Variants in RIPOR3 observed in about 807,000 individuals in gnomAD.
RIPOR3 encodes RIPOR family member 3, also known as family with sequence similarity 65 member C.
In RIPOR3, 95 loss-of-function variants were observed where a neutral mutation model predicts 114.3. The ratio of observed to expected loss-of-function variants is 0.83; its 90% CI spans 0.70 to 0.99. The LOEUF (loss-of-function observed/expected upper bound fraction) is 0.99, where lower values mean the gene tolerates loss of function less well. Ranked by LOEUF, RIPOR3 falls within the 50% of genes least tolerant of loss-of-function variation. The pLI, the probability that RIPOR3 is intolerant of heterozygous loss-of-function variation, is 0.00. For synonymous variants in RIPOR3, 575 were observed against 543.8 expected (o/e 1.06, Z -0.80); for missense variants, 1,252 against 1,266.9 (o/e 0.99, Z 0.18).
chr20:50,597,628 T>C lies in RIPOR3; in HGVS notation c.1742A>G (p.Asp581Gly). 2 of 1,612,004 alleles carry C rather than the reference T, an allele frequency of 1.2e-6. No individual in the cohort carries two copies. The highest frequency in any genetic ancestry group is 2.7e-5 in the African/African-American group (2 of 74,972). Residue 581 changes from aspartate (D) to glycine (G), a missense_variant, in exon 14 of 22, where the codon GAC (aspartate) becomes GGC (glycine). Coordinates refer to ENST00000327979, the MANE Select transcript of RIPOR3 (RefSeq NM_001290268.2). The part of the protein sequence containing the change: ...ILESFAFLNA[D>G]FALDELSLFG... Reference sequence around the variant, plus strand: ...CAGGGACAGCTCATCCAGGGCGAAGTCGGCATTGAGGAAGGCGAAGCTCTC... The same window carrying C: ...CAGGGACAGCTCATCCAGGGCGAAGCCGGCATTGAGGAAGGCGAAGCTCTC...
intron 6 of RIPOR3, among the ~76,000 whole-genome samples, chr20:50,609,930 C>T (rs2123065803): frequency 6.6e-6 from 1 of 151,974 alleles, no homozygotes; most frequent in Middle Eastern, 3.4e-3. Context: ...GCAGGGACCA[C>T]ATCTGCCTCA....
At chr20:50,597,452 T>C (rs938436561) in intron 14 of RIPOR3, 128 bp downstream of exon 14, 80 of 1,350,974 alleles carry the variant, frequency 5.9e-5, no homozygotes, top group Middle Eastern at 2.5e-4. Context: ...GGGTGCACGA[T>C]AGAGTGACAA....
intron 16 of RIPOR3, 146 bp downstream of exon 16, chr20:50,595,223 T>C: frequency 9.6e-7 from 1 of 1,038,110 alleles, no homozygotes; most frequent in Non-Finnish European, 1.4e-6. Context: ...AAAGAGTGTG[T>C]ATCTCTGAGC....
chr20:50,611,885 A>G (rs2083991387), intron 4 of RIPOR3, among the ~76,000 whole-genome samples: 1 of 152,168 alleles, frequency 6.6e-6, no homozygotes, highest in Non-Finnish European at 1.5e-5. Flanking sequence ...GCACTTTGGG[A>G]GGCTGAGGTG....
chr20:50,653,684 G>C (rs1040931804), intron 1 of RIPOR3, among the ~76,000 whole-genome samples: 1 of 151,442 alleles, frequency 6.6e-6, no homozygotes, highest in African/African-American at 2.4e-5. Context: ...TCTGCCTCCC[G>C]GGTTTGAGCA....
At chr20:50,604,271 T>C (rs2083614900) in intron 12 of RIPOR3, among the ~76,000 whole-genome samples, 1 of 152,030 alleles carries the variant, frequency 6.6e-6, no homozygotes, top group Non-Finnish European at 1.5e-5. Flanking sequence ...AAGAAACTGA[T>C]GACAGGAGTT....
intron 4 of RIPOR3, 83 bp downstream of exon 4, chr20:50,615,919 C>T (rs2084155701): frequency 1.5e-6 from 2 of 1,320,650 alleles, no homozygotes; most frequent in African/African-American, 1.5e-5. Context: ...CACACCGTGA[C>T]ATAGGCTAGA....
intron 1 of RIPOR3, among the ~76,000 whole-genome samples, chr20:50,638,359 C>T (rs544699568): frequency 1.3e-5 from 2 of 152,224 alleles, no homozygotes; most frequent in Non-Finnish European, 2.9e-5. Context: ...GAGTGAGGAC[C>T]GGGATCCAGG....
At chr20:50,615,333 AG>A (rs2084132505) in intron 4 of RIPOR3, among the ~76,000 whole-genome samples, 1 of 151,620 alleles carries the variant, frequency 6.6e-6, no homozygotes, top group Non-Finnish European at 1.5e-5. Flanking sequence ...AGACCAGCCT[AG>A]GCAACATGAT....
At chr20:50,666,251 CCCAGAGTCACGCTCTG>C (rs2086240378) in intron 1 of RIPOR3, among the ~76,000 whole-genome samples, 1 of 45,284 alleles carries the variant, frequency 2.2e-5, no homozygotes, top group African/African-American at 5.4e-5. Flanking sequence ...CGCTCTGTTG[CCCAGAGTCACGCTCTG>C]TTGCTGGAGT....
chr20:50,670,621 G>C (rs1474117599), intron 1 of RIPOR3, among the ~76,000 whole-genome samples: 1 of 152,186 alleles, frequency 6.6e-6, no homozygotes, highest in Non-Finnish European at 1.5e-5. Context: ...GTCACCAGCG[G>C]TGCATTCCCC....
At chr20:50,588,452 T>C (rs2082994540) in intron 20 of RIPOR3, among the ~76,000 whole-genome samples, 1 of 152,224 alleles carries the variant, frequency 6.6e-6, no homozygotes, top group African/African-American at 2.4e-5. Flanking sequence ...CTAGCAATTG[T>C]GCAATTCCAA....
chr20:50,676,058 G>A (rs1487812985), intron 1 of RIPOR3, among the ~76,000 whole-genome samples: 2 of 152,188 alleles, frequency 1.3e-5, no homozygotes, highest in Non-Finnish European at 2.9e-5. Context: ...ACACAACAGC[G>A]AAGATTCCAT....
At chr20:50,597,419 A>T in intron 14 of RIPOR3, 161 bp downstream of exon 14, 1 of 1,040,794 alleles carries the variant, frequency 9.6e-7, no homozygotes, top group Non-Finnish European at 1.4e-6. Context: ...CAAGTGGGGG[A>T]TGTGCGGGGA....
intron 2 of RIPOR3, among the ~76,000 whole-genome samples, chr20:50,621,365 C>T (rs1600599213): frequency 6.6e-6 from 1 of 152,288 alleles, no homozygotes; most frequent in African/African-American, 2.4e-5. Context: ...CTCTGGGGCA[C>T]CTCCCCAGCT....
intron 1 of RIPOR3, among the ~76,000 whole-genome samples, chr20:50,674,045 G>T (rs2086611320): frequency 6.6e-6 from 1 of 152,146 alleles, no homozygotes; most frequent in Non-Finnish European, 1.5e-5. Context: ...GCGTTCCAAG[G>T]CAGGAGCAGA....
At chr20:50,649,594 C>T (rs1349960010) in intron 1 of RIPOR3, among the ~76,000 whole-genome samples, 1 of 152,176 alleles carries the variant, frequency 6.6e-6, no homozygotes, top group African/African-American at 2.4e-5. Flanking sequence ...GTCCCCCACC[C>T]CCACCCACAG....
chr20:50,688,081 TGAA>T (rs1026573770), intron 1 of RIPOR3, among the ~76,000 whole-genome samples: 5 of 152,344 alleles, frequency 3.3e-5, no homozygotes, highest in African/African-American at 1.2e-4. Context: ...TTACAATTGA[TGAA>T]GGAGTGTAAT....
rs1317691966 is a variant in RIPOR3 at position 50,616,158 on chromosome 20, C to G, written c.270-78G>C. The G allele has an allele frequency of 4.9e-6, 7 of 1,439,396 alleles. No homozygotes were observed. The East Asian group carries it at 1.7e-4, about 35-fold the overall frequency. 89.2% of individuals were successfully genotyped at this position (1,439,396 alleles called of 1,614,324 possible). ...AGGAAGTAGGCCAAATGGACAATGT[C>G]CCCACGTGGAGAGCAGACACGGGGC... On this transcript the variant is annotated intron_variant, in intron 3 of 21. Transcript: ENST00000327979.
Sources: allele counts gnomAD v4.1 joint callset (sites outside exome capture counted in the v4.1 genomes callset), GRCh38; gene constraint gnomAD v4.1.1; transcripts MANE v1.5; gene names NCBI Gene and HGNC (gene_info 2026-07-23, HGNC 2026-07-21).